The following AKAP19 variants were observed in gnomAD, a reference collection of about 807,000 sequenced individuals.
AKAP19 encodes A-kinase anchoring protein 19, also known as small A-kinase anchoring protein.
the AKAP19 span, among the ~76,000 whole-genome samples, chr2:190,097,859 CAAAAAAAAAAAAA>C: frequency 2.5e-4 from 16 of 64,528 alleles, no homozygotes; most frequent in Non-Finnish European, 3.4e-4. Context: ...TGGTTTCTAC[CAAAAAAAAAAAAA>C]AAAAAAAAAG....
the AKAP19 span, among the ~76,000 whole-genome samples, chr2:190,072,011 C>T: frequency 4.0e-5 from 6 of 151,802 alleles, no homozygotes; most frequent in Non-Finnish European, 8.8e-5. Flanking sequence ...AATAAAAATA[C>T]ATAAAGAAAA....
At chr2:190,071,945 G>A in the AKAP19 span, among the ~76,000 whole-genome samples, 1 of 152,118 alleles carries the variant, frequency 6.6e-6, no homozygotes. Flanking sequence ...GATGGTAGAG[G>A]AAACACTCCA....
At chr2:190,005,059 T>G in the AKAP19 span, among the ~76,000 whole-genome samples, 13 of 152,290 alleles carry the variant, frequency 8.5e-5, no homozygotes, top group East Asian at 2.5e-3. Flanking sequence ...GTGTCCTGAG[T>G]TCTTTCCTTC....
the AKAP19 span, among the ~76,000 whole-genome samples, chr2:189,965,292 A>C: frequency 6.6e-6 from 1 of 152,152 alleles, no homozygotes; most frequent in Non-Finnish European, 1.5e-5. Context: ...AACCTCAAAG[A>C]TCATTGATTA....
the AKAP19 span, among the ~76,000 whole-genome samples, chr2:190,016,384 C>G: frequency 3.3e-5 from 5 of 152,138 alleles, no homozygotes; most frequent in Non-Finnish European, 7.4e-5. Flanking sequence ...AACTCTCAGA[C>G]ACTTATGAAA....
chr2:190,062,643 T>G, the AKAP19 span: 2 of 1,583,612 alleles, frequency 1.3e-6, no homozygotes, highest in South Asian at 1.1e-5. Context: ...GTTTCTTCCT[T>G]TTACTTTTCT....
At chr2:190,196,825 A>G in the AKAP19 span, among the ~76,000 whole-genome samples, 16 of 152,180 alleles carry the variant, frequency 1.1e-4, no homozygotes, top group African/African-American at 3.9e-4. Context: ...AGCAGAGCTG[A>G]GTAGTTGTAA....
At chr2:189,986,608 C>T in the AKAP19 span, among the ~76,000 whole-genome samples, 4 of 152,196 alleles carry the variant, frequency 2.6e-5, no homozygotes, top group African/African-American at 9.6e-5. Flanking sequence ...GATACAGAAG[C>T]AGTTGGCTTT....
At chr2:190,144,872 G>T in the AKAP19 span, among the ~76,000 whole-genome samples, 1 of 152,132 alleles carries the variant, frequency 6.6e-6, no homozygotes, top group Non-Finnish European at 1.5e-5. Context: ...AGCTACTTGG[G>T]AGGCTGAGGC....
chr2:190,108,344 T>A, the AKAP19 span, among the ~76,000 whole-genome samples: 1 of 152,084 alleles, frequency 6.6e-6, no homozygotes, highest in Admixed American at 6.5e-5. Flanking sequence ...TTAGTAGAGA[T>A]GGGGTTTTGC....
At chr2:190,198,714 A>C in the AKAP19 span, among the ~76,000 whole-genome samples, 1 of 133,642 alleles carries the variant, frequency 7.5e-6, no homozygotes, top group African/African-American at 3.0e-5. Context: ...TCCCAAAACT[A>C]AGATACAATC....
the AKAP19 span, among the ~76,000 whole-genome samples, chr2:189,970,516 C>A: frequency 6.6e-6 from 1 of 151,978 alleles, no homozygotes; most frequent in Non-Finnish European, 1.5e-5. Context: ...TGCCTTTTTT[C>A]ATCAATACTG....
At chr2:190,138,081 C>A in the AKAP19 span, among the ~76,000 whole-genome samples, 1 of 152,272 alleles carries the variant, frequency 6.6e-6, no homozygotes, top group East Asian at 1.9e-4. Flanking sequence ...AGGATTACAC[C>A]CAGGTTTCTA....
chr2:189,888,560 T>C, the AKAP19 span, among the ~76,000 whole-genome samples: 1 of 152,254 alleles, frequency 6.6e-6, no homozygotes, highest in South Asian at 2.1e-4. Flanking sequence ...ATATTGATTC[T>C]TCCTATTCAT....
At chr2:190,060,326 T>A in the AKAP19 span, 4 of 1,612,970 alleles carry the variant, frequency 2.5e-6, no homozygotes, top group Admixed American at 6.7e-5. Flanking sequence ...TCTCGACGGG[T>A]CTCAAATATA....
At chr2:190,010,968 A>G in the AKAP19 span, among the ~76,000 whole-genome samples, 1 of 148,278 alleles carries the variant, frequency 6.7e-6, no homozygotes, top group African/African-American at 2.5e-5. Flanking sequence ...CTATATATAT[A>G]TTTTTGATAT....
At chr2:190,115,327 T>G in the AKAP19 span, among the ~76,000 whole-genome samples, 1 of 49,702 alleles carries the variant, frequency 2.0e-5, no homozygotes, top group Non-Finnish European at 4.0e-5. Flanking sequence ...TTTTTTTTTT[T>G]TTTTTTTTTT....
chr2:189,992,009 C>T, the AKAP19 span, among the ~76,000 whole-genome samples: 5 of 150,320 alleles, frequency 3.3e-5, no homozygotes, highest in Non-Finnish European at 5.9e-5. Context: ...TTGGCTGAGT[C>T]TATAAAAATA....
the AKAP19 span, among the ~76,000 whole-genome samples, chr2:190,170,688 T>C: frequency 6.6e-6 from 1 of 152,194 alleles, no homozygotes; most frequent in Admixed American, 6.5e-5. Context: ...GAAATTCCTA[T>C]GAAGCTTTTT....
Sources: allele counts gnomAD v4.1 joint callset (sites outside exome capture counted in the v4.1 genomes callset), GRCh38; gene constraint gnomAD v4.1.1; transcripts MANE v1.5; gene names NCBI Gene and HGNC (gene_info 2026-07-23, HGNC 2026-07-21).